Variants in NOTUM observed in about 807,000 individuals in gnomAD.
NOTUM encodes notum, palmitoleoyl-protein carboxylesterase.
NOTUM carries 36 observed loss-of-function variants against 65.5 expected under a neutral mutation model. The ratio of observed to expected loss-of-function variants is 0.55; its 90% CI spans 0.42 to 0.73. NOTUM has a LOEUF of 0.73. Ranked by LOEUF, NOTUM falls within the 30% of genes least tolerant of loss-of-function variation. The pLI is 0.00. For missense variants in NOTUM, 659 were observed against 694.2 expected (o/e 0.95, Z 0.57); for synonymous variants, 356 against 297.9 (o/e 1.20, Z -2.01).
At position 81,960,765 on chromosome 17, in the gene NOTUM, C is replaced by G; in HGVS notation, c.145G>C (p.Val49Leu). 6.3e-7 allele frequency: 1 copy of G among 1,580,166 alleles called. No homozygotes were observed. The highest frequency in any genetic ancestry group is 1.1e-5 in the South Asian group (1 of 87,290). ...GTGAAGTCCAGCGGGAAGCTCTCCACGGGCTGTCCGGCCGCCGGCGCCGCC... is the reference window on the plus strand; with the variant it reads ...GTGAAGTCCAGCGGGAAGCTCTCCAGGGGCTGTCCGGCCGCCGGCGCCGCC... ...TEAAPAAGQP[V>L]ESFPLDFTAV... The change falls in exon 1 of 11, where the codon GTG (valine) becomes CTG (leucine). Residue 49 changes from valine to leucine, a missense_variant. Physicochemically the swap from Val to Leu is conservative, Grantham distance 32. Coordinates refer to ENST00000409678, the MANE Select transcript of NOTUM (RefSeq NM_178493.6). This position sits in a 1 kb window ranked among gnomAD's most constrained non-coding sequence, Gnocchi z 6.4.
chr17:81,959,329 G>A (rs577351891), intron 3 of NOTUM, 142 bp downstream of exon 3: 26 of 661,092 alleles, frequency 3.9e-5, no homozygotes, highest in South Asian at 2.1e-4. Context: ...CAAGAGTGAA[G>A]GGCGCCCCTT....
intron 6 of NOTUM, among the ~76,000 whole-genome samples, chr17:81,957,390 A>G (rs1222463612): frequency 5.9e-5 from 9 of 151,908 alleles, no homozygotes; most frequent in Non-Finnish European, 1.2e-4. Flanking sequence ...CTCAGGCCCC[A>G]TCATCTATTC....
At chr17:81,954,185 G>A in intron 10 of NOTUM, 71 bp downstream of exon 10, 4 of 1,128,270 alleles carry the variant, frequency 3.5e-6, no homozygotes, top group Non-Finnish European at 5.4e-6. Flanking sequence ...GAGGCCAAGT[G>A]CGGTTGGGGA....
intron 9 of NOTUM, 151 bp downstream of exon 9, chr17:81,955,246 G>C (rs907452931): frequency 3.8e-5 from 26 of 686,032 alleles, no homozygotes; most frequent in East Asian, 1.1e-4. Context: ...CTCCCAAAGT[G>C]CTGGGATTAT....
intron 8 of NOTUM, among the ~76,000 whole-genome samples, chr17:81,956,396 G>A (rs1268439782): frequency 1.3e-5 from 2 of 152,126 alleles, no homozygotes; most frequent in East Asian, 1.9e-4. Context: ...TCAGTGCTGA[G>A]GGCAGGCAAG....
chr17:81,957,955 A>C, intron 5 of NOTUM, 47 bp from the exon 6 acceptor site: 1 of 1,341,124 alleles, frequency 7.5e-7, no homozygotes, highest in South Asian at 1.2e-5. Context: ...GGACAGAGAG[A>C]ACCACCTCCT....
At chr17:81,956,443 A>G (rs1007700793) in intron 8 of NOTUM, among the ~76,000 whole-genome samples, 1 of 149,928 alleles carries the variant, frequency 6.7e-6, no homozygotes, top group African/African-American at 2.5e-5. Flanking sequence ...CCCCTGGCAC[A>G]CAGCCGGCCT....
chr17:81,952,888 T>TG lies in NOTUM; in HGVS notation c.*72dup, dbSNP rs935058572. 5.9e-5 allele frequency: 79 copies of TG among 1,341,036 alleles called. No homozygotes were observed. Among genetic ancestry groups the TG allele is most frequent in the Non-Finnish European group, 7.6e-5 (72 of 949,236 alleles). The allele number at this position is 1,341,036 out of a possible 1,614,324, so 83.1% of individuals were successfully genotyped here. On this transcript the variant is annotated 3_prime_UTR_variant, in exon 11 of 11. Transcript: ENST00000409678. ...CCGAAGAGACGGGAGGGCCTGCTGG[T>TG]GGGGGGTGAGGTGGCACTGGGGCAG...
rs1460866701 is a variant in NOTUM, at chr17:81,953,068, T to G, written c.1384A>C (p.Asn462His). 6 of 1,613,854 alleles carry G rather than the reference T, an allele frequency of 3.7e-6. No individual in the cohort carries two copies. Among genetic ancestry groups the G allele is most frequent in the African/African-American group, 1.3e-5 (1 of 74,916 alleles). ...VRDQFTGQEMNVAQFLMHMGF... is the reference protein window; with the variant it reads ...VRDQFTGQEMHVAQFLMHMGF... ...ATGTGCATGAGGAACTGGGCCACGT[T>G]CATCTCTTGCCCCGTGAACTGGTCT... The change falls in exon 11 of 11, where the codon AAC (asparagine) becomes CAC (histidine). Residue 462 changes from asparagine to histidine, a missense_variant. Transcript: ENST00000409678.
At chr17:81,955,092 G>C (rs2041420985) in intron 9 of NOTUM, among the ~76,000 whole-genome samples, 1 of 152,098 alleles carries the variant, frequency 6.6e-6, no homozygotes, top group African/African-American at 2.4e-5. Context: ...TGATTCTCCT[G>C]CCTCAGCCTC....
At chr17:81,957,161 A>C in intron 6 of NOTUM, 87 bp from the exon 7 acceptor site, 1 of 1,099,948 alleles carries the variant, frequency 9.1e-7, no homozygotes, top group Non-Finnish European at 1.3e-6. Context: ...CCGTGCCCCG[A>C]GGGGGGCAGG....
chr17:81,955,552 CG>C lies in NOTUM; in HGVS notation c.989-9del. 1 of 1,606,496 alleles carries C rather than the reference CG, an allele frequency of 6.2e-7. No homozygotes were observed. Among genetic ancestry groups the C allele is most frequent in the Non-Finnish European group, 8.5e-7 (1 of 1,176,682 alleles). ...GCACCACGAACACAGGGCCTGCGGG[CG>C]GCGGGGCTCAGTTCGGCCTCCCCTG... is the stretch of plus-strand genomic sequence containing the variant. On this transcript the variant is annotated splice_polypyrimidine_tract_variant and intron_variant, in intron 8 of 10. Coordinates refer to ENST00000409678, the MANE Select transcript of NOTUM (RefSeq NM_178493.6).
At chr17:81,955,574 C>T (rs1348538398) in intron 8 of NOTUM, 30 bp from the exon 9 acceptor site, 2 of 1,596,726 alleles carry the variant, frequency 1.3e-6, no homozygotes, top group Non-Finnish European at 8.5e-7. Context: ...GTTCGGCCTC[C>T]CCTGACCCCC....
chr17:81,960,857 C>G lies in NOTUM; in HGVS notation c.53G>C (p.Gly18Ala). Residue 18 changes from glycine to alanine, a missense_variant, in exon 1 of 11, where the codon GGG (glycine) becomes GCG (alanine). Coordinates refer to ENST00000409678, the MANE Select transcript of NOTUM (RefSeq NM_178493.6). This position sits in a 1 kb window ranked among gnomAD's most constrained non-coding sequence, Gnocchi z 6.4. ...LLLLSLLHCA[G>A]GSEGRKTWRR... ...CCAGGTCTTCCTGCCCTCGCTGCCC[C>G]CGGCGCAGTGCAGCAGGCTCAGCAG... 6.7e-6 allele frequency: 10 copies of G among 1,486,234 alleles called. No individual in the cohort carries two copies. The highest frequency in any genetic ancestry group is 8.0e-6 in the Non-Finnish European group (9 of 1,122,758). 92.1% of individuals were successfully genotyped at this position (1,486,234 alleles called of 1,614,324 possible).
chr17:81,953,293 G>GA, intron 10 of NOTUM, 26 bp from the exon 11 acceptor site: 1 of 1,548,890 alleles, frequency 6.5e-7, no homozygotes, highest in South Asian at 1.1e-5. Flanking sequence ...GGGGGAGGGG[G>GA]TCACATGTGC....
At position 81,960,584 on chromosome 17, in the gene NOTUM, T is replaced by C. The variant is rs780870879; in HGVS notation, c.323+3A>G. On this transcript the variant is annotated splice_donor_region_variant and intron_variant, in intron 1 of 10. Coordinates refer to ENST00000409678, the MANE Select transcript of NOTUM (RefSeq NM_178493.6). The surrounding 1 kb of genome is among the most constrained non-coding windows in gnomAD (Gnocchi z 6.4). ...GCGGGGAGGTGCAGGGCGCGGGCCT[T>C]ACCCGGCGGGGCTGCCGTCGTTGCA... 2.0e-6 allele frequency: 3 copies of C among 1,492,962 alleles called. No individual in the cohort carries two copies. Among genetic ancestry groups the C allele is most frequent in the Non-Finnish European group, 2.7e-6 (3 of 1,108,586 alleles). The allele number at this position is 1,492,962 out of a possible 1,614,324, so 92.5% of individuals were successfully genotyped here.
chr17:81,953,172 G>T lies in NOTUM; in HGVS notation c.1280C>A (p.Thr427Asn). 2 of 1,612,972 alleles carry T rather than the reference G, an allele frequency of 1.2e-6. No individual in the cohort carries two copies. Among genetic ancestry groups the T allele is most frequent in the Non-Finnish European group, 1.7e-6 (2 of 1,179,434 alleles). ...SLHDSHKASK[T>N]PLKGCPVHLV... is the part of the protein sequence containing the mutation. ...GTGGACGGGGCAGCCCTTGAGGGGGGTCTTGCTGGCCTTGTGGCTGTCATG... is the reference window on the plus strand; with the variant it reads ...GTGGACGGGGCAGCCCTTGAGGGGGTTCTTGCTGGCCTTGTGGCTGTCATG... The change falls in exon 11 of 11, where the codon ACC becomes AAC. Residue 427 changes from threonine (T) to asparagine (N), a missense_variant. By Grantham distance (65) the Thr-to-Asn change is moderately conservative. Transcript: ENST00000409678.
At chr17:81,956,825 C>T (rs1367265500) in intron 7 of NOTUM, 58 bp downstream of exon 7, 2 of 1,594,640 alleles carry the variant, frequency 1.3e-6, no homozygotes, top group African/African-American at 2.7e-5. Context: ...TGCCACTCCA[C>T]CCAGGCCCTT....
chr17:81,955,611 G>A (rs2041427052), intron 8 of NOTUM, 67 bp from the exon 9 acceptor site: 3 of 1,410,168 alleles, frequency 2.1e-6, no homozygotes, highest in Non-Finnish European at 2.9e-6. Context: ...CAGGCTCACA[G>A]CTCAGCACCC....
Sources: allele counts gnomAD v4.1 joint callset (sites outside exome capture counted in the v4.1 genomes callset), GRCh38; gene constraint gnomAD v4.1.1; non-coding constraint Gnocchi (gnomAD v3.1); transcripts MANE v1.5; gene names NCBI Gene and HGNC (gene_info 2026-07-23, HGNC 2026-07-21).